Variants in ABHD6 observed in about 807,000 individuals in gnomAD.
The protein encoded by ABHD6 is monoacylglycerol lipase ABHD6.
A neutral mutation model predicts 38.8 loss-of-function variants in ABHD6; 33 were observed. The observed-to-expected ratio is 0.85, with a 90% CI of 0.64 to 1.14. The LOEUF (loss-of-function observed/expected upper bound fraction) is 1.14, where lower values mean the gene tolerates loss of function less well. ABHD6 is among the 50% of genes most tolerant of loss of function. The pLI is 0.00. For missense variants in ABHD6, 380 were observed against 422.6 expected, an observed-to-expected ratio of 0.90 and a Z score of 0.88; for synonymous variants, 147 against 161.6, an observed-to-expected ratio of 0.91 and a Z score of 0.69.
At chr3:58,241,998 C>G (rs2097423172) in intron 1 of ABHD6, among the ~76,000 whole-genome samples, 1 of 152,156 alleles carries the variant, frequency 6.6e-6, no homozygotes, top group South Asian at 2.1e-4. Context: ...GGTTGTTGAG[C>G]TGCAAAACTG....
chr3:58,271,764 C>CTTTTTTTT (rs1302501356), intron 6 of ABHD6, among the ~76,000 whole-genome samples: 7 of 78,108 alleles, frequency 9.0e-5, no homozygotes, highest in African/African-American at 2.3e-4. Flanking sequence ...CCCCCTCTCT[C>CTTTTTTTT]TGTTTTTTTT....
rs988997037 is a variant in ABHD6 at position 58,266,816 on chromosome 3, A to G, written c.120-373A>G. ...CAACCAGCTGCCATATGTTATGAGGAACAAAGCCAGAGGACCAGTGCAGAT... is the reference window on the plus strand; with the variant it reads ...CAACCAGCTGCCATATGTTATGAGGGACAAAGCCAGAGGACCAGTGCAGAT... On this transcript the variant is annotated intron_variant, in intron 3 of 9. Coordinates refer to ENST00000478253, the MANE Select transcript of ABHD6 (RefSeq NM_001320126.2). The surrounding 1 kb of genome is among the most constrained non-coding windows in gnomAD (Gnocchi z 4.0). Among the ~76,000 whole-genome samples, 1 of 152,252 alleles carries G rather than the reference A, an allele frequency of 6.6e-6. No individual in the cohort carries two copies. The highest frequency in any genetic ancestry group is 2.4e-5 in the African/African-American group (1 of 41,466).
In ABHD6 at chr3:58,257,143, A is replaced by G. The variant is rs2097433945; in HGVS notation, c.119+438A>G. On this transcript the variant is annotated intron_variant, in intron 3 of 9. Coordinates refer to ENST00000478253, the MANE Select transcript of ABHD6 (RefSeq NM_001320126.2). This position sits in a 1 kb window ranked among gnomAD's most constrained non-coding sequence, Gnocchi z 4.8. ...GGCTGGTCTCCAACTCCTGGCCTCA[A>G]GTGATCTTCCCATCTTGCCTCTCTA... 6.6e-6 allele frequency among the ~76,000 whole-genome samples: 1 copy of G among 152,104 alleles called. No homozygotes were observed. The highest frequency in any genetic ancestry group is 1.9e-4 in the East Asian group (1 of 5,178).
Position 58,271,078 on chromosome 3 carries a change from C to T in ABHD6, c.523+14C>T, listed in dbSNP as rs2097444549. ...TGTGTCCTGCTGGTAAGTTATGAAG[C>T]TGAAACATCCCTCGGCAGGGATGAA... On this transcript the variant is annotated intron_variant, in intron 6 of 9. Coordinates refer to ENST00000478253, the MANE Select transcript of ABHD6 (RefSeq NM_001320126.2). 6.3e-7 allele frequency: 1 copy of T among 1,582,518 alleles called. No homozygotes were observed. The highest frequency in any genetic ancestry group is 1.2e-5 in the South Asian group (1 of 85,816).
chr3:58,241,189 A>C (rs1241356965), intron 1 of ABHD6, among the ~76,000 whole-genome samples: 1 of 152,220 alleles, frequency 6.6e-6, no homozygotes, highest in Non-Finnish European at 1.5e-5. Context: ...CTTGTGCCAC[A>C]GTTGAGAAAC....
Position 58,293,944 on chromosome 3 carries a change from A to C in ABHD6, c.*179A>C. 1 of 568,882 alleles carries C rather than the reference A, an allele frequency of 1.8e-6. No individual in the cohort carries two copies. The highest frequency in any genetic ancestry group is 2.9e-6 in the Non-Finnish European group (1 of 344,234). The allele number at this position is 568,882 out of a possible 1,614,324, so 35.2% of individuals were successfully genotyped here. A position where few individuals can be genotyped will look rare whatever the true frequency, so the allele number is the denominator to read the frequency against. On this transcript the variant is annotated 3_prime_UTR_variant, in exon 10 of 10. Transcript: ENST00000478253. This position sits in a 1 kb window ranked among gnomAD's most constrained non-coding sequence, Gnocchi z 4.4. The stretch of plus-strand genomic sequence containing the variant: ...CCAGAGCTTTGGGGACCACGCGAAA[A>C]CCTCCAAGATATTTTTCACAAAATA...
rs567851045 is a variant in ABHD6, at chr3:58,293,581, C to T, written c.838-8C>T. The T allele has an allele frequency of 1.1e-5, 17 of 1,613,438 alleles. No homozygotes were observed. The highest frequency in any genetic ancestry group is 1.7e-4 in the Middle Eastern group (1 of 6,032). On this transcript the variant is annotated splice_polypyrimidine_tract_variant and splice_region_variant and intron_variant, in intron 9 of 9. Transcript: ENST00000478253. The surrounding 1 kb of genome is among the most constrained non-coding windows in gnomAD (Gnocchi z 4.4). ...GTGTATCATCCAGCTCCCTTTCTTGCCCAGCAGGTGCTGGATGTGTCTGGG... is the reference window on the plus strand; with the variant it reads ...GTGTATCATCCAGCTCCCTTTCTTGTCCAGCAGGTGCTGGATGTGTCTGGG...
chr3:58,259,819 C>G lies in ABHD6; in HGVS notation c.119+3114C>G, dbSNP rs1267135974. Among the ~76,000 whole-genome samples, 2 of 152,196 alleles carry G rather than the reference C, an allele frequency of 1.3e-5. No homozygotes were observed. The highest frequency in any genetic ancestry group is 2.9e-5 in the Non-Finnish European group (2 of 68,042). Reference sequence around the variant, plus strand: ...TATTTCCACCTCCCCAAAGGAGTCCCCATACCTAGTAGCCATCAATCCCAG... The same window carrying G: ...TATTTCCACCTCCCCAAAGGAGTCCGCATACCTAGTAGCCATCAATCCCAG... On this transcript the variant is annotated intron_variant, in intron 3 of 9. Transcript: ENST00000478253. This position sits in a 1 kb window ranked among gnomAD's most constrained non-coding sequence, Gnocchi z 4.7.
At chr3:58,240,570 A>AT (rs1195213500) in intron 1 of ABHD6, among the ~76,000 whole-genome samples, 4 of 149,994 alleles carry the variant, frequency 2.7e-5, no homozygotes, top group Non-Finnish European at 4.5e-5. Context: ...TCTTAAAAAA[A>AT]TTTTTTTTTT....
At chr3:58,268,605 A>G (rs1386519731) in intron 4 of ABHD6, among the ~76,000 whole-genome samples, 1 of 152,116 alleles carries the variant, frequency 6.6e-6, no homozygotes, top group East Asian at 1.9e-4. Context: ...GTAGGTGAAG[A>G]CTCACACACC....
rs199556065 is a variant in ABHD6 at position 58,256,610 on chromosome 3, G to T, written c.24G>T (p.Met8Ile). The part of the protein sequence containing the change: MDLDVVN[M>I]FVIAGGTLAI... ...GGATGGATCTTGATGTGGTTAACAT[G>T]TTTGTGATTGCGGGCGGCACGCTGG... Residue 8 changes from methionine to isoleucine, a missense_variant, in exon 3 of 10, where the codon ATG (methionine) becomes ATT (isoleucine). Physicochemically the swap from Met to Ile is conservative, Grantham distance 10. Transcript: ENST00000478253. This position sits in a 1 kb window ranked among gnomAD's most constrained non-coding sequence, Gnocchi z 4.3. The T allele has an allele frequency of 2.2e-5, 35 of 1,614,162 alleles. No individual in the cohort carries two copies. The East Asian group carries it at 7.4e-4, about 34-fold the overall frequency.
chr3:58,267,492 C>A lies in ABHD6; in HGVS notation c.276+147C>A. On this transcript the variant is annotated intron_variant, in intron 4 of 9. Transcript: ENST00000478253. This position sits in a 1 kb window ranked among gnomAD's most constrained non-coding sequence, Gnocchi z 4.3. ...CCAGCCTGGACAACATAAAGAAACC[C>A]TGTCTCTACAAAAAATTAAAAAATT... The A allele has an allele frequency of 1.9e-6, 2 of 1,062,816 alleles. No homozygotes were observed. Among genetic ancestry groups the A allele is most frequent in the South Asian group, 2.9e-5 (2 of 68,838 alleles). The allele number at this position is 1,062,816 out of a possible 1,614,324, so 65.8% of individuals were successfully genotyped here.
chr3:58,286,497 G>A (rs975411096), intron 9 of ABHD6, among the ~76,000 whole-genome samples: 5 of 151,944 alleles, frequency 3.3e-5, no homozygotes, highest in Non-Finnish European at 7.4e-5. Flanking sequence ...TTTCTGTAAA[G>A]GGCCAGATGG....
At position 58,265,981 on chromosome 3, in the gene ABHD6, T is replaced by C. The variant is rs2097440595; in HGVS notation, c.120-1208T>C. On this transcript the variant is annotated intron_variant, in intron 3 of 9. Transcript: ENST00000478253. The surrounding 1 kb of genome is among the most constrained non-coding windows in gnomAD (Gnocchi z 4.2). ...TTCAACATGAGTTTTGGAGGGGACATTCAAAGTCAGTAAGTGAATGAGCTG... is the reference window on the plus strand; with the variant it reads ...TTCAACATGAGTTTTGGAGGGGACACTCAAAGTCAGTAAGTGAATGAGCTG... 6.6e-6 allele frequency among the ~76,000 whole-genome samples: 1 copy of C among 152,220 alleles called. No individual in the cohort carries two copies. The highest frequency in any genetic ancestry group is 6.6e-5 in the Admixed American group (1 of 15,266).
At chr3:58,290,635 G>A (rs879089383) in intron 9 of ABHD6, among the ~76,000 whole-genome samples, 2 of 145,056 alleles carry the variant, frequency 1.4e-5, no homozygotes, top group Non-Finnish European at 3.0e-5. Context: ...GGCGGTTGCC[G>A]GGCGGAGGGT....
intron 7 of ABHD6, among the ~76,000 whole-genome samples, chr3:58,281,071 G>A (rs947567333): frequency 6.6e-6 from 1 of 152,212 alleles, no homozygotes; most frequent in Non-Finnish European, 1.5e-5. Context: ...ACTTGAGGAG[G>A]CAGTCTGTCT....
intron 1 of ABHD6, among the ~76,000 whole-genome samples, chr3:58,247,039 CTTT>C (rs11341432): frequency 3.6e-5 from 5 of 138,842 alleles, no homozygotes; most frequent in Admixed American, 1.4e-4. Context: ...TCTAATGGGC[CTTT>C]TTTTTTTTTT....
At chr3:58,249,269 T>C (rs1175194577) in intron 1 of ABHD6, among the ~76,000 whole-genome samples, 2 of 152,258 alleles carry the variant, frequency 1.3e-5, no homozygotes, top group African/African-American at 4.8e-5. Context: ...AGAATTCTCA[T>C]GTTTCCTCCT....
Position 58,256,612 on chromosome 3 carries a change from T to C in ABHD6, c.26T>C (p.Phe9Ser). The C allele has an allele frequency of 1.9e-6, 3 of 1,614,190 alleles. No individual in the cohort carries two copies. The highest frequency in any genetic ancestry group is 2.5e-6 in the Non-Finnish European group (3 of 1,180,026). ...ATGGATCTTGATGTGGTTAACATGT[T>C]TGTGATTGCGGGCGGCACGCTGGCC... MDLDVVNM[F>S]VIAGGTLAIP... is the part of the protein sequence containing the mutation. Residue 9 changes from phenylalanine to serine, a missense_variant, in exon 3 of 10, where the codon TTT (phenylalanine) becomes TCT (serine). By Grantham distance (155) the Phe-to-Ser change is radical. Coordinates refer to ENST00000478253, the MANE Select transcript of ABHD6 (RefSeq NM_001320126.2). The surrounding 1 kb of genome is among the most constrained non-coding windows in gnomAD (Gnocchi z 4.3).
Sources: gnomAD v4.1 joint callset for allele counts (sites outside exome capture counted in the v4.1 genomes callset) on GRCh38, gnomAD v4.1.1 for gene constraint, Gnocchi (gnomAD v3.1) non-coding constraint, MANE v1.5 for transcripts, NCBI Gene and HGNC (gene_info 2026-07-23, HGNC 2026-07-21) for gene names.